CNTN6: variants seen among roughly 807,000 people sequenced by gnomAD.
CNTN6 encodes contactin-6.
Under a neutral mutation model 122.8 loss-of-function variants are expected in CNTN6, and 137 were observed. The observed-to-expected ratio is 1.12, with a 90% CI of 0.97 to 1.29. CNTN6 has a LOEUF of 1.29. Ranked by LOEUF, CNTN6 falls within the 50% of genes most tolerant of loss-of-function variation. The pLI, the probability that CNTN6 is intolerant of heterozygous loss-of-function variation, is 0.00. For synonymous variants in CNTN6, 570 were observed against 426.0 expected (o/e 1.34, Z -4.16); for missense variants, 1,634 against 1,223.4 (o/e 1.34, Z -5.01).
chr3:1,168,396 G>C (rs2093298991), intron 2 of CNTN6, among the ~76,000 whole-genome samples: 1 of 148,560 alleles, frequency 6.7e-6, no homozygotes, highest in Admixed American at 6.8e-5. Context: ...CTGAGACTCT[G>C]TATACAGGAG....
intron 4 of CNTN6, among the ~76,000 whole-genome samples, chr3:1,257,200 T>G (rs1380767921): frequency 6.6e-6 from 1 of 152,194 alleles, no homozygotes; most frequent in African/African-American, 2.4e-5. Context: ...GGTCTTTGCC[T>G]AGTTTTCTGT....
chr3:1,331,655 C>A (rs1475345248), intron 11 of CNTN6, among the ~76,000 whole-genome samples: 1 of 151,950 alleles, frequency 6.6e-6, no homozygotes, highest in African/African-American at 2.4e-5. Flanking sequence ...TCAAACACAG[C>A]ACCTTGTACT....
intron 4 of CNTN6, among the ~76,000 whole-genome samples, chr3:1,268,534 G>A (rs1257367776): frequency 1.3e-5 from 2 of 148,674 alleles, no homozygotes; most frequent in Non-Finnish European, 3.0e-5. Flanking sequence ...GTGAACCCGG[G>A]AGGAGGAGCT....
chr3:1,334,896 C>T (rs1015450575), intron 11 of CNTN6, among the ~76,000 whole-genome samples: 1 of 151,994 alleles, frequency 6.6e-6, no homozygotes, highest in East Asian at 1.9e-4. Flanking sequence ...AATTAATAGA[C>T]CGATGGTATG....
Position 1,325,945 on chromosome 3 carries a change from C to A in CNTN6, c.1077C>A (p.Asn359Lys). 1 of 1,608,692 alleles carries A rather than the reference C, an allele frequency of 6.2e-7. No individual in the cohort carries two copies. Among genetic ancestry groups the A allele is most frequent in the Non-Finnish European group, 8.5e-7 (1 of 1,177,652 alleles). The change falls in exon 9 of 23, where the codon AAC becomes AAA. Residue 359 changes from asparagine (N) to lysine (K), a missense_variant. Transcript: ENST00000446702. ...GGTTAAAAAATGGTGAACGACTCAACCCAGAGGTAAGCAACTATGTTGATA... is the reference window on the plus strand; with the variant it reads ...GGTTAAAAAATGGTGAACGACTCAAACCAGAGGTAAGCAACTATGTTGATA... ...YTWLKNGERL[N>K]PEERIQIENG...
chr3:1,100,450 T>C (rs1004427444), intron 1 of CNTN6, among the ~76,000 whole-genome samples: 4 of 152,308 alleles, frequency 2.6e-5, no homozygotes, highest in Admixed American at 6.5e-5. Context: ...CTCTTTGTCA[T>C]TGATTTCTTC....
At chr3:1,284,431 G>C (rs967598374) in intron 5 of CNTN6, among the ~76,000 whole-genome samples, 1 of 152,110 alleles carries the variant, frequency 6.6e-6, no homozygotes, top group Admixed American at 6.5e-5. Flanking sequence ...TTACTCTGAG[G>C]CTCTCTGAAA....
At chr3:1,094,194 T>C (rs1426683975) in intron 1 of CNTN6, among the ~76,000 whole-genome samples, 1 of 152,240 alleles carries the variant, frequency 6.6e-6, no homozygotes, top group African/African-American at 2.4e-5. Context: ...CTTTTTATTT[T>C]TGTTGTTGAA....
intron 2 of CNTN6, among the ~76,000 whole-genome samples, chr3:1,202,762 C>T (rs2093903849): frequency 6.6e-6 from 1 of 152,026 alleles, no homozygotes; most frequent in Non-Finnish European, 1.5e-5. Flanking sequence ...AACCGGTTTT[C>T]CTGCTCATAA....
At chr3:1,369,362 T>C (rs1421832904) in intron 12 of CNTN6, among the ~76,000 whole-genome samples, 1 of 148,524 alleles carries the variant, frequency 6.7e-6, no homozygotes, top group East Asian at 2.0e-4. Context: ...ACACTCCTTA[T>C]CTTTTTGACT....
At chr3:1,331,871 G>A (rs1702340164) in intron 11 of CNTN6, among the ~76,000 whole-genome samples, 1 of 151,564 alleles carries the variant, frequency 6.6e-6, no homozygotes, top group African/African-American at 2.4e-5. Context: ...AGAAAAAAAA[G>A]CAGGAGGGAA....
intron 2 of CNTN6, among the ~76,000 whole-genome samples, chr3:1,161,168 T>C (rs932557719): frequency 2.7e-5 from 4 of 147,194 alleles, no homozygotes; most frequent in East Asian, 2.0e-4. Context: ...GTGTTGATGC[T>C]GAAAGAGTTT....
intron 20 of CNTN6, among the ~76,000 whole-genome samples, chr3:1,388,051 G>A (rs1693375846): frequency 6.8e-6 from 1 of 148,090 alleles, no homozygotes; most frequent in African/African-American, 2.6e-5. Flanking sequence ...CAACTGGGTG[G>A]AGCCCACCAC....
chr3:1,098,320 G>A (rs765988596), intron 1 of CNTN6, among the ~76,000 whole-genome samples: 46 of 152,088 alleles, frequency 3.0e-4, no homozygotes, highest in East Asian at 7.7e-4. Context: ...AGAAAAGCAC[G>A]AGAACAAATA....
chr3:1,124,204 CA>C (rs1213008278), intron 1 of CNTN6, among the ~76,000 whole-genome samples: 1 of 151,952 alleles, frequency 6.6e-6, no homozygotes, highest in Non-Finnish European at 1.5e-5. Flanking sequence ...TGTTCTACAA[CA>C]GAGAGGAAAG....
chr3:1,303,688 C>T lies in CNTN6; in HGVS notation c.761+5697C>T, dbSNP rs557008607. Among the ~76,000 whole-genome samples, 5 of 152,112 alleles carry T rather than the reference C, an allele frequency of 3.3e-5. No homozygotes were observed. The South Asian group carries it at 1.0e-3, about 32-fold the overall frequency. ...GCTGCTTTTTCTCCTAGTCACAGTT[C>T]TCATTTTTTTGCTTGTTTGGATATC... On this transcript the variant is annotated intron_variant, in intron 7 of 22. Transcript: ENST00000446702.
intron 8 of CNTN6, among the ~76,000 whole-genome samples, chr3:1,322,141 A>T (rs1700948836): frequency 6.6e-6 from 1 of 151,874 alleles, no homozygotes; most frequent in African/African-American, 2.4e-5. Context: ...ATTTCCCATT[A>T]AACGTTCTGC....
intron 17 of CNTN6, among the ~76,000 whole-genome samples, chr3:1,379,320 A>C (rs1710325115): frequency 6.6e-6 from 1 of 152,190 alleles, no homozygotes; most frequent in South Asian, 2.1e-4. Context: ...ACATCCATTA[A>C]TGTATTGATG....
chr3:1,288,798 A>G (rs1444534065), intron 5 of CNTN6, among the ~76,000 whole-genome samples: 1 of 152,244 alleles, frequency 6.6e-6, no homozygotes, highest in African/African-American at 2.4e-5. Context: ...ACAGTACAAG[A>G]TATAGGGCTG....
Sources: gnomAD v4.1 joint callset for allele counts (sites outside exome capture counted in the v4.1 genomes callset) on GRCh38, gnomAD v4.1.1 for gene constraint, MANE v1.5 for transcripts, NCBI Gene and HGNC (gene_info 2026-07-23, HGNC 2026-07-21) for gene names.